CHPF: variants seen among roughly 807,000 people sequenced by gnomAD.
The protein encoded by CHPF is chondroitin polymerizing factor, also known as chondroitin polymerizing factor, non-catalytic subunit.
A neutral mutation model predicts 55.1 loss-of-function variants in CHPF; 34 were observed. The observed-to-expected ratio is 0.62, with a 90% CI of 0.47 to 0.82. CHPF has a LOEUF of 0.82. CHPF is among the 40% of genes least tolerant of loss of function. CHPF has a pLI of 0.00. For missense variants in CHPF, 961 were observed against 1,106.1 expected, an observed-to-expected ratio of 0.87 and a Z score of 1.86; for synonymous variants, 489 against 496.6, an observed-to-expected ratio of 0.98 and a Z score of 0.20.
At chr2:219,542,977 C>A in intron 1 of CHPF, 1 of 1,287,884 alleles carries the variant, frequency 7.8e-7, no homozygotes, top group Non-Finnish European at 9.8e-7. Flanking sequence ...ATCTCTGGGG[C>A]GCCATCGGGT....
Position 219,541,652 on chromosome 2 carries a change from G to A in CHPF, c.852C>T (p.Leu284=), listed in dbSNP as rs142017345. 3.5e-4 allele frequency: 565 copies of A among 1,595,982 alleles called. No individual in the cohort carries two copies. The highest frequency in any genetic ancestry group is 4.7e-4 in the Non-Finnish European group (554 of 1,168,402). The change falls in exon 2 of 4, where the codon CTC becomes CTT. Residue 284 remains leucine, a synonymous_variant. Coordinates refer to ENST00000243776, the MANE Select transcript of CHPF (RefSeq NM_024536.6). ...RPDEWLGRCI[L]DATGVGCTGD... ...CAGTGCAGCCCACCCCGGTGGCATC[G>A]AGAATGCAGCGACCCAGCCACTCGT...
chr2:219,539,069 GCCCCCAGGGC>G lies in CHPF; in HGVS notation c.*304_*313del, dbSNP rs1695202736. On this transcript the variant is annotated 3_prime_UTR_variant, in exon 4 of 4. Transcript: ENST00000243776. The stretch of plus-strand genomic sequence containing the variant: ...TCCCCAACAACTCTTCTACAGCCCA[GCCCCCAGGGC>G]CCAGAGGCAGGGCTGGCGTCAGGCA... 1 of 325,268 alleles carries G rather than the reference GCCCCCAGGGC, an allele frequency of 3.1e-6. No homozygotes were observed. The highest frequency in any genetic ancestry group is 2.1e-5 in the African/African-American group (1 of 47,274). The allele number at this position is 325,268 out of a possible 1,614,324, so 20.1% of individuals were successfully genotyped here.
chr2:219,542,712 G>A (rs1009464728), intron 1 of CHPF, among the ~76,000 whole-genome samples: 7 of 152,202 alleles, frequency 4.6e-5, no homozygotes, highest in African/African-American at 1.7e-4. Flanking sequence ...TGGTAAGGCA[G>A]AAGGTAAATT....
intron 1 of CHPF, among the ~76,000 whole-genome samples, chr2:219,542,677 T>C (rs924571494): frequency 6.6e-6 from 1 of 152,176 alleles, no homozygotes; most frequent in Non-Finnish European, 1.5e-5. Context: ...CAAACTGCAC[T>C]CAGGGGCTCT....
In CHPF at chr2:219,540,175, C is replaced by T; in HGVS notation, c.1536G>A (p.Leu512=). ...GGTCACGCTCAGCCGCAGCTAGAGGCAGCAGCACAGTGAGACGTGAGGCCT... is the reference window on the plus strand; with the variant it reads ...GGTCACGCTCAGCCGCAGCTAGAGGTAGCAGCACAGTGAGACGTGAGGCCT... ...VTEASRLTVL[L]PLAAAERDLA... Residue 512 remains leucine, a synonymous_variant, in exon 4 of 4, where the codon CTG becomes CTA. Transcript: ENST00000243776. 1 of 1,609,148 alleles carries T rather than the reference C, an allele frequency of 6.2e-7. No individual in the cohort carries two copies. Among genetic ancestry groups the T allele is most frequent in the South Asian group, 1.1e-5 (1 of 90,468 alleles).
At position 219,541,632 on chromosome 2, in the gene CHPF, C is replaced by T. The variant is rs765906155; in HGVS notation, c.872G>A (p.Cys291Tyr). Residue 291 changes from cysteine to tyrosine, a missense_variant, in exon 2 of 4, where the codon TGC becomes TAC. Physicochemically the swap from Cys to Tyr is radical, Grantham distance 194. Coordinates refer to ENST00000243776, the MANE Select transcript of CHPF (RefSeq NM_024536.6). ...TCATCCCACCTCGTGGTCACCAGTGCAGCCCACCCCGGTGGCATCGAGAAT... is the reference window on the plus strand; with the variant it reads ...TCATCCCACCTCGTGGTCACCAGTGTAGCCCACCCCGGTGGCATCGAGAAT... ...RCILDATGVG[C>Y]TGDHEGVHYS... 1.3e-6 allele frequency: 2 copies of T among 1,580,800 alleles called. No homozygotes were observed. Among genetic ancestry groups the T allele is most frequent in the Admixed American group, 1.7e-5 (1 of 58,358 alleles).
chr2:219,540,054 G>A lies in CHPF; in HGVS notation c.1657C>T (p.Gln553Ter). ...TCTGCATGGGCCACGCGCTGGGCCT[G>A]GCGCGGCTCATACAGTAGCAGCAGG... ...LTLLLLYEPR[Q>*]AQRVAHADVF... The change falls in exon 4 of 4, where the codon CAG becomes TAG. Residue 553 changes from glutamine to a stop codon, truncating the protein, a stop_gained. Coordinates refer to ENST00000243776, the MANE Select transcript of CHPF (RefSeq NM_024536.6). LOFTEE classifies it high-confidence loss of function. 6.2e-7 allele frequency: 1 copy of A among 1,611,488 alleles called. No homozygotes were observed. The highest frequency in any genetic ancestry group is 8.5e-7 in the Non-Finnish European group (1 of 1,179,044).
In CHPF at chr2:219,539,109, GTA is replaced by G. The variant is rs1695203596; in HGVS notation, c.*272_*273del. On this transcript the variant is annotated 3_prime_UTR_variant, in exon 4 of 4. Coordinates refer to ENST00000243776, the MANE Select transcript of CHPF (RefSeq NM_024536.6). ...AGGCAGGGCTGGCGTCAGGCAGACT[GTA>G]CTGCATAAATACGTGGAGGCCACAG... The G allele has an allele frequency of 2.1e-6, 1 of 474,922 alleles. No individual in the cohort carries two copies. The highest frequency in any genetic ancestry group is 1.9e-5 in the African/African-American group (1 of 51,602). 29.4% of individuals were successfully genotyped at this position (474,922 alleles called of 1,614,324 possible). A position where few individuals can be genotyped will look rare whatever the true frequency, so the allele number is the denominator to read the frequency against.
Position 219,543,555 on chromosome 2 carries a change from GT to G in CHPF, c.-18del. On this transcript the variant is annotated 5_prime_UTR_variant, in exon 1 of 4. Coordinates refer to ENST00000243776, the MANE Select transcript of CHPF (RefSeq NM_024536.6). ...TGCCCGCATGGCGCCCGGACCGCGG[GT>G]CCCCGGCCCCGGCGAACCCCCAGAG... 1 of 1,326,056 alleles carries G rather than the reference GT, an allele frequency of 7.5e-7. No individual in the cohort carries two copies. Among genetic ancestry groups the G allele is most frequent in the Non-Finnish European group, 9.6e-7 (1 of 1,042,634 alleles). 82.1% of individuals were successfully genotyped at this position (1,326,056 alleles called of 1,614,324 possible). A position where few individuals can be genotyped will look rare whatever the true frequency, so the allele number is the denominator to read the frequency against.
rs11556307 is a variant in CHPF at position 219,540,002 on chromosome 2, A to G, written c.1709T>C (p.Val570Ala). The G allele has an allele frequency of 1.1e-5, 18 of 1,613,552 alleles. No individual in the cohort carries two copies. The highest frequency in any genetic ancestry group is 1.7e-5 in the Admixed American group (1 of 60,010). Reference protein sequence around the residue: ...ADVFAPVKAHVAELERRFPGA... With the variant: ...ADVFAPVKAHAAELERRFPGA... The stretch of plus-strand genomic sequence containing the variant: ...GGGGAAACGCCGCTCCAGCTCTGCC[A>G]CGTGGGCCTTGACAGGTGCGAAGAC... The change falls in exon 4 of 4, where the codon GTG becomes GCG. Residue 570 changes from valine to alanine, a missense_variant. Coordinates refer to ENST00000243776, the MANE Select transcript of CHPF (RefSeq NM_024536.6).
chr2:219,541,426 ATT>A, intron 2 of CHPF, 188 bp downstream of exon 2: 1 of 574,010 alleles, frequency 1.7e-6, no homozygotes, highest in Non-Finnish European at 2.9e-6. Context: ...CCGAGCAATA[ATT>A]ATTTCCATTG....
chr2:219,539,346 G>C lies in CHPF; in HGVS notation c.*37C>G, dbSNP rs1270967221. On this transcript the variant is annotated 3_prime_UTR_variant, in exon 4 of 4. Transcript: ENST00000243776. The stretch of plus-strand genomic sequence containing the variant: ...GGTTTTGGGGGAGAAGTGGGGTGGG[G>C]TGTGGCCATGCCACGGCCCACGGGG... 2 of 1,546,932 alleles carry C rather than the reference G, an allele frequency of 1.3e-6. No individual in the cohort carries two copies. Among genetic ancestry groups the C allele is most frequent in the Non-Finnish European group, 1.8e-6 (2 of 1,141,324 alleles).
Position 219,540,207 on chromosome 2 carries a change from CAT to C in CHPF, c.1502_1503del (p.Tyr501CysfsTer3). The C allele has an allele frequency of 1.2e-6, 2 of 1,613,120 alleles. No homozygotes were observed. The highest frequency in any genetic ancestry group is 8.5e-7 in the Non-Finnish European group (1 of 1,179,620). On this transcript the variant is annotated frameshift_variant, in exon 4 of 4. Transcript: ENST00000243776. LOFTEE classifies it high-confidence loss of function. Reference protein sequence around the residue: ...LSRVEILPVPYVTEASRLTVL... With the variant: ...LSRVEILPVPXVTEASRLTVL... ...ACAGTGAGACGTGAGGCCTCAGTGA[CAT>C]AGGGCACAGGCAAGATCTCCACGCG...
At position 219,543,577 on chromosome 2, in the gene CHPF, C is replaced by A; in HGVS notation, c.-39G>T. The A allele has an allele frequency of 7.6e-7, 1 of 1,310,460 alleles. No homozygotes were observed. Among genetic ancestry groups the A allele is most frequent in the Non-Finnish European group, 9.7e-7 (1 of 1,030,274 alleles). 81.2% of individuals were successfully genotyped at this position (1,310,460 alleles called of 1,614,324 possible). On this transcript the variant is annotated 5_prime_UTR_variant, in exon 1 of 4. Transcript: ENST00000243776. ...CGGGTCCCCGGCCCCGGCGAACCCC[C>A]AGAGCAGCCAGAGGAGTCTCCGAGG...
Position 219,541,727 on chromosome 2 carries a change from C to G in CHPF, c.777G>C (p.Leu259=). ...TGCGGCAGCCTTCCAGGTGGGGGCG[C>G]AGTTGTTGCAGCAGCATGCGCGACA... ...VLLSRMLLQQ[L]RPHLEGCRND... The change falls in exon 2 of 4, where the codon CTG becomes CTC. Residue 259 remains leucine (L), a synonymous_variant. Coordinates refer to ENST00000243776, the MANE Select transcript of CHPF (RefSeq NM_024536.6). The G allele has an allele frequency of 6.2e-7, 1 of 1,611,044 alleles. No homozygotes were observed. Among genetic ancestry groups the G allele is most frequent in the African/African-American group, 1.3e-5 (1 of 74,980 alleles).
chr2:219,541,629 G>C lies in CHPF; in HGVS notation c.875C>G (p.Thr292Ser), dbSNP rs772789903. ...CILDATGVGC[T>S]GDHEGVHYSH... ...TTATCATCCCACCTCGTGGTCACCA[G>C]TGCAGCCCACCCCGGTGGCATCGAG... Residue 292 changes from threonine to serine, a missense_variant, in exon 2 of 4, where the codon ACT becomes AGT. By Grantham distance (58) the Thr-to-Ser change is moderately conservative. Transcript: ENST00000243776. The C allele has an allele frequency of 1.3e-6, 2 of 1,579,980 alleles. No individual in the cohort carries two copies. The highest frequency in any genetic ancestry group is 1.7e-5 in the Admixed American group (1 of 58,294).
chr2:219,542,111 G>A lies in CHPF; in HGVS notation c.393C>T (p.Pro131=). The part of the protein sequence containing the change: ...VAVLTSQTTL[P]TLGVAVNRTL... ...TGCGGTTCACGGCCACGCCCAGCGTGGGCAGCGTGGTCTGAGAGGTCAGCA... is the reference window on the plus strand; with the variant it reads ...TGCGGTTCACGGCCACGCCCAGCGTAGGCAGCGTGGTCTGAGAGGTCAGCA... Residue 131 remains proline, a synonymous_variant, in exon 2 of 4, where the codon CCC becomes CCT. Coordinates refer to ENST00000243776, the MANE Select transcript of CHPF (RefSeq NM_024536.6). 1 of 1,570,136 alleles carries A rather than the reference G, an allele frequency of 6.4e-7. No individual in the cohort carries two copies. The highest frequency in any genetic ancestry group is 8.6e-7 in the Non-Finnish European group (1 of 1,164,194).
chr2:219,540,477 A>T lies in CHPF; in HGVS notation c.1234T>A (p.Cys412Ser). 2.5e-6 allele frequency: 4 copies of T among 1,613,960 alleles called. No individual in the cohort carries two copies. The highest frequency in any genetic ancestry group is 2.5e-6 in the Non-Finnish European group (3 of 1,179,976). Residue 412 changes from cysteine to serine, a missense_variant, in exon 4 of 4, where the codon TGC becomes AGC. Coordinates refer to ENST00000243776, the MANE Select transcript of CHPF (RefSeq NM_024536.6). ...AFSCADGSPR[C>S]PLRGADRADV... ...GCCCGGTCAGCCCCACGCAGTGGGC[A>T]GCGGGGTGAGCCATCGGCGCAGGAG...
intron 1 of CHPF, 163 bp downstream of exon 1, chr2:219,543,062 C>T (rs1161053767): frequency 3.7e-6 from 5 of 1,361,408 alleles, no homozygotes; most frequent in African/African-American, 1.5e-5. Context: ...TCGGACTGGC[C>T]CCACGGCTCT....
Sources: allele counts gnomAD v4.1 joint callset (sites outside exome capture counted in the v4.1 genomes callset), GRCh38; gene constraint gnomAD v4.1.1; transcripts MANE v1.5; gene names NCBI Gene and HGNC (gene_info 2026-07-23, HGNC 2026-07-21).